The following PHF24 variants were observed in gnomAD, a reference collection of about 807,000 sequenced individuals.
PHF24 encodes Galpha inhibitory interacting protein.
A neutral mutation model predicts 42.6 loss-of-function variants in PHF24; 25 were observed. The observed-to-expected ratio is 0.59, with a 90% CI of 0.43 to 0.82. PHF24 has a LOEUF of 0.82. Among genes scored for constraint, PHF24 ranks in the 40% least tolerant of loss-of-function variants. The pLI is 0.00. For missense variants in PHF24, 470 were observed against 538.1 expected, an observed-to-expected ratio of 0.87 and a Z score of 1.25; for synonymous variants, 185 against 204.8, an observed-to-expected ratio of 0.90 and a Z score of 0.83.
the PHF24 span, among the ~76,000 whole-genome samples, chr9:34,845,089 G>T: frequency 7.4e-4 from 113 of 151,918 alleles, 1 homozygote; most frequent in Non-Finnish European, 7.8e-4. Context: ...GACCTTCTTT[G>T]TCTTATTTTA....
At chr9:34,922,310 A>G in the PHF24 span, 7 of 1,591,788 alleles carry the variant, frequency 4.4e-6, no homozygotes, top group South Asian at 6.6e-5. Context: ...CACTTAATGT[A>G]TCAAGTTCAG....
At chr9:34,837,359 T>G in the PHF24 span, 1 of 382,386 alleles carries the variant, frequency 2.6e-6, no homozygotes, top group South Asian at 2.3e-5. Context: ...CAGATGCCCA[T>G]GTTATGGCAA....
chr9:34,676,208 G>T, the PHF24 span, among the ~76,000 whole-genome samples: 56 of 152,274 alleles, frequency 3.7e-4, no homozygotes, highest in African/African-American at 1.3e-3. Flanking sequence ...AAGAAGTGGC[G>T]CAGATACCAG....
the PHF24 span, among the ~76,000 whole-genome samples, chr9:34,875,948 A>T: frequency 0.16 from 11,320 of 72,334 alleles, 752 homozygotes; most frequent in African/African-American, 0.23. Flanking sequence ...ACACACACAC[A>T]CACTCTCTCT....
At chr9:34,851,049 G>A in the PHF24 span, among the ~76,000 whole-genome samples, 3 of 152,144 alleles carry the variant, frequency 2.0e-5, no homozygotes, top group Non-Finnish European at 4.4e-5. Flanking sequence ...GGGGTCAGGG[G>A]TCAGGGACCC....
the PHF24 span, among the ~76,000 whole-genome samples, chr9:34,764,837 A>C: frequency 6.6e-6 from 1 of 151,524 alleles, no homozygotes; most frequent in Non-Finnish European, 1.5e-5. Context: ...GTGGGCATTT[A>C]GTGCTATAAA....
At chr9:34,889,140 C>T in the PHF24 span, 1 of 398,474 alleles carries the variant, frequency 2.5e-6, no homozygotes, top group African/African-American at 2.1e-5. Context: ...GCAATGAAAG[C>T]CTTTTTCAGG....
chr9:34,700,636 A>T, the PHF24 span, among the ~76,000 whole-genome samples: 1 of 152,114 alleles, frequency 6.6e-6, no homozygotes, highest in African/African-American at 2.4e-5. Flanking sequence ...GGTAGCTGGG[A>T]TGAGTCTGGA....
the PHF24 span, among the ~76,000 whole-genome samples, chr9:34,699,392 G>A: frequency 6.6e-6 from 1 of 152,248 alleles, no homozygotes; most frequent in Non-Finnish European, 1.5e-5. Flanking sequence ...ATTTGGGGCA[G>A]TACATTTAGT....
At chr9:34,691,704 C>T in the PHF24 span, among the ~76,000 whole-genome samples, 12 of 152,144 alleles carry the variant, frequency 7.9e-5, no homozygotes, top group Non-Finnish European at 1.8e-4. Flanking sequence ...ACCCTCAGGA[C>T]AACCATGAGA....
chr9:34,801,161 A>G, the PHF24 span, among the ~76,000 whole-genome samples: 1 of 152,212 alleles, frequency 6.6e-6, no homozygotes, highest in South Asian at 2.1e-4. Context: ...GTCAGGAAAC[A>G]ACAGATGCTG....
chr9:34,800,005 T>C, the PHF24 span, among the ~76,000 whole-genome samples: 1 of 151,006 alleles, frequency 6.6e-6, no homozygotes, highest in Non-Finnish European at 1.5e-5. Flanking sequence ...TGGGAGAGAG[T>C]GGAAGATGAG....
At chr9:34,760,561 G>C in the PHF24 span, among the ~76,000 whole-genome samples, 4 of 152,166 alleles carry the variant, frequency 2.6e-5, no homozygotes, top group Admixed American at 2.0e-4. Context: ...GTGTCAGGCA[G>C]CAAAACCACC....
the PHF24 span, among the ~76,000 whole-genome samples, chr9:34,906,427 G>A: frequency 1.3e-5 from 2 of 152,116 alleles, no homozygotes; most frequent in African/African-American, 4.8e-5. Flanking sequence ...GGTTAAAGGT[G>A]TAAAGTTTTG....
At chr9:34,903,090 G>A in the PHF24 span, among the ~76,000 whole-genome samples, 3 of 152,096 alleles carry the variant, frequency 2.0e-5, no homozygotes, top group Non-Finnish European at 4.4e-5. Context: ...TTATACAAGA[G>A]GAAACTGAAT....
chr9:34,728,632 C>T, the PHF24 span: 1,597 of 1,551,236 alleles, frequency 1.0e-3, 1 homozygote, highest in Non-Finnish European at 1.3e-3. Flanking sequence ...ATCTCTAGCT[C>T]TTTGCCTGAC....
the PHF24 span, among the ~76,000 whole-genome samples, chr9:34,936,415 G>T: frequency 1.3e-5 from 2 of 152,146 alleles, no homozygotes; most frequent in African/African-American, 4.8e-5. Context: ...ATCTCGGCTC[G>T]CTACAACCTC....
the PHF24 span, among the ~76,000 whole-genome samples, chr9:34,710,453 A>C: frequency 0.29 from 43,396 of 148,846 alleles, 6,762 homozygotes; most frequent in Admixed American, 0.35. Context: ...CTGATTATTA[A>C]ATTGTAAGAG....
At chr9:34,792,394 G>A in the PHF24 span, among the ~76,000 whole-genome samples, 1 of 152,256 alleles carries the variant, frequency 6.6e-6, no homozygotes, top group East Asian at 1.9e-4. Context: ...CTCTGGGCCA[G>A]GTGCAGTGGC....
Sources: allele counts gnomAD v4.1 joint callset (sites outside exome capture counted in the v4.1 genomes callset), GRCh38; gene constraint gnomAD v4.1.1; transcripts MANE v1.5; gene names NCBI Gene and HGNC (gene_info 2026-07-23, HGNC 2026-07-21).